CSTPP1: variants seen among roughly 807,000 people sequenced by gnomAD.
CSTPP1 encodes the protein centriolar satellite-associated tubulin polyglutamylase complex regulator 1.
the CSTPP1 span, chr11:47,163,966 A>T: frequency 8.8e-7 from 1 of 1,140,598 alleles, no homozygotes; most frequent in Non-Finnish European, 1.2e-6. Flanking sequence ...CTTAAACTCC[A>T]CTGAAACCCA....
chr11:47,003,982 A>G, the CSTPP1 span, among the ~76,000 whole-genome samples: 1 of 152,146 alleles, frequency 6.6e-6, no homozygotes, highest in Non-Finnish European at 1.5e-5. Context: ...GTCTGGCTAT[A>G]TATAATTCAT....
chr11:47,101,898 A>G, the CSTPP1 span, among the ~76,000 whole-genome samples: 27 of 152,312 alleles, frequency 1.8e-4, no homozygotes, highest in Non-Finnish European at 3.4e-4. Context: ...GACAGAGAAG[A>G]TATTTATATG....
At chr11:46,998,399 G>A in the CSTPP1 span, among the ~76,000 whole-genome samples, 1 of 152,168 alleles carries the variant, frequency 6.6e-6, no homozygotes, top group East Asian at 1.9e-4. Context: ...AGTGCTGATA[G>A]AAATGTACTT....
At chr11:47,057,064 A>G in the CSTPP1 span, among the ~76,000 whole-genome samples, 1 of 152,234 alleles carries the variant, frequency 6.6e-6, no homozygotes, top group Non-Finnish European at 1.5e-5. Context: ...AGGATATGAT[A>G]TCTTTTCTGC....
the CSTPP1 span, among the ~76,000 whole-genome samples, chr11:47,046,904 C>CTT: frequency 1.4e-4 from 16 of 112,264 alleles, no homozygotes; most frequent in South Asian, 2.9e-4. Context: ...AATTTCTTTT[C>CTT]TTTTTTTTTT....
the CSTPP1 span, among the ~76,000 whole-genome samples, chr11:47,163,204 C>T: frequency 7.3e-5 from 11 of 149,984 alleles, no homozygotes; most frequent in African/African-American, 2.5e-4. Flanking sequence ...GCTCAGGCTG[C>T]GTGATGAGCT....
chr11:47,021,134 T>C, the CSTPP1 span, among the ~76,000 whole-genome samples: 73 of 152,330 alleles, frequency 4.8e-4, no homozygotes, highest in South Asian at 2.7e-3. Flanking sequence ...TGTTAACCCA[T>C]CAGAGAAACT....
chr11:47,152,782 A>G, the CSTPP1 span, among the ~76,000 whole-genome samples: 2 of 152,328 alleles, frequency 1.3e-5, no homozygotes, highest in South Asian at 2.1e-4. Flanking sequence ...CTGTGTTCCA[A>G]CTGATGATCA....
chr11:47,131,214 G>T, the CSTPP1 span, among the ~76,000 whole-genome samples: 1 of 152,122 alleles, frequency 6.6e-6, no homozygotes, highest in African/African-American at 2.4e-5. Flanking sequence ...TCCTCCATGG[G>T]TATTCTTTAG....
At chr11:47,067,852 T>G in the CSTPP1 span, among the ~76,000 whole-genome samples, 2 of 152,240 alleles carry the variant, frequency 1.3e-5, no homozygotes, top group Admixed American at 6.5e-5. Context: ...TTATTTTGCA[T>G]GTTGACTCCA....
At chr11:47,064,891 C>T in the CSTPP1 span, among the ~76,000 whole-genome samples, 3 of 152,102 alleles carry the variant, frequency 2.0e-5, no homozygotes, top group African/African-American at 7.2e-5. Context: ...ATTACAGGCA[C>T]ATGCTACCAC....
the CSTPP1 span, chr11:47,157,306 G>T: frequency 6.5e-3 from 9,070 of 1,397,098 alleles, 28 homozygotes; most frequent in Non-Finnish European, 7.7e-3. Flanking sequence ...GATGTTCTGC[G>T]CGGCCCAGGC....
chr11:47,112,028 G>A, the CSTPP1 span, among the ~76,000 whole-genome samples: 1 of 151,888 alleles, frequency 6.6e-6, no homozygotes, highest in Non-Finnish European at 1.5e-5. Flanking sequence ...TTTCCATGCT[G>A]TTCCTCTTAC....
the CSTPP1 span, among the ~76,000 whole-genome samples, chr11:46,999,080 T>G: frequency 6.6e-6 from 1 of 152,138 alleles, no homozygotes; most frequent in Admixed American, 6.5e-5. Context: ...AGAAACATAG[T>G]GAAGTGGAAA....
At chr11:47,052,681 G>C in the CSTPP1 span, 2 of 938,344 alleles carry the variant, frequency 2.1e-6, no homozygotes, top group Non-Finnish European at 3.0e-6. Flanking sequence ...GCTATTCAAG[G>C]CATTTAGAAT....
At chr11:47,082,849 T>C in the CSTPP1 span, among the ~76,000 whole-genome samples, 1 of 152,192 alleles carries the variant, frequency 6.6e-6, no homozygotes, top group African/African-American at 2.4e-5. Flanking sequence ...CTTCTGTATT[T>C]GGTTTCTTTC....
At chr11:47,000,479 C>T in the CSTPP1 span, among the ~76,000 whole-genome samples, 16 of 152,066 alleles carry the variant, frequency 1.1e-4, 2 homozygotes, top group East Asian at 7.7e-4. Flanking sequence ...CAGGAGAGCT[C>T]GCTTTTATGA....
the CSTPP1 span, among the ~76,000 whole-genome samples, chr11:47,050,405 CA>C: frequency 6.6e-6 from 1 of 152,142 alleles, no homozygotes; most frequent in Non-Finnish European, 1.5e-5. Context: ...ATAGAACTGA[CA>C]GTCTAATAGG....
the CSTPP1 span, among the ~76,000 whole-genome samples, chr11:47,126,008 C>T: frequency 2.8e-4 from 42 of 149,348 alleles, no homozygotes; most frequent in East Asian, 7.8e-3. Flanking sequence ...CAGAGCAAGA[C>T]TCTGTCTCAA....
Sources: allele counts gnomAD v4.1 joint callset (sites outside exome capture counted in the v4.1 genomes callset), GRCh38; gene constraint gnomAD v4.1.1; transcripts MANE v1.5; gene names NCBI Gene and HGNC (gene_info 2026-07-23, HGNC 2026-07-21).